Variants in ZNF148 observed in about 807,000 individuals in gnomAD.
The protein encoded by ZNF148 is Beta-Enolase Repressor Factor-1.
In ZNF148, 7 loss-of-function variants were observed where a neutral mutation model predicts 67.7. The observed-to-expected ratio is 0.10, with a 90% CI of 0.06 to 0.19. ZNF148 has a LOEUF of 0.19. ZNF148 is among the 10% of genes least tolerant of loss of function. ZNF148 has a pLI of 1.00. For synonymous variants in ZNF148, 333 were observed against 330.7 expected, an observed-to-expected ratio of 1.01 and a Z score of -0.08; for missense variants, 583 against 947.1, an observed-to-expected ratio of 0.62 and a Z score of 5.05.
chr3:125,230,541 A>G lies in ZNF148; in HGVS notation c.*1800T>C, dbSNP rs1259965844. 6.6e-6 allele frequency: 1 copy of G among 152,560 alleles called. No individual in the cohort carries two copies. The highest frequency in any genetic ancestry group is 2.4e-5 in the African/African-American group (1 of 41,442). 9.5% of individuals were successfully genotyped at this position (152,560 alleles called of 1,614,324 possible). A position where few individuals can be genotyped will look rare whatever the true frequency, so the allele number is the denominator to read the frequency against. On this transcript the variant is annotated 3_prime_UTR_variant, in exon 9 of 9. Coordinates refer to ENST00000360647, the MANE Select transcript of ZNF148 (RefSeq NM_021964.3). Reference sequence around the variant, plus strand: ...ATATAATTTATATTCCTTATCATAAAAACACCAATATATTCAAAATAAATG... The same window carrying G: ...ATATAATTTATATTCCTTATCATAAGAACACCAATATATTCAAAATAAATG...
Position 125,369,532 on chromosome 3 carries a change from G to A in ZNF148, c.-234+5570C>T, listed in dbSNP as rs997092728. On this transcript the variant is annotated intron_variant, in intron 1 of 8. Coordinates refer to ENST00000360647, the MANE Select transcript of ZNF148 (RefSeq NM_021964.3). ...ATAAATAGGTAAATTCTATAGAATT[G>A]TACTCAGAAGTTAATTCAGAAAAGG... Among the ~76,000 whole-genome samples, 53 of 150,098 alleles carry A rather than the reference G, an allele frequency of 3.5e-4. 1 individual carries two copies. The highest frequency in any genetic ancestry group is 1.2e-3 in the African/African-American group (50 of 40,728).
chr3:125,300,553 G>A (rs764022121), intron 4 of ZNF148, among the ~76,000 whole-genome samples: 105 of 152,252 alleles, frequency 6.9e-4, no homozygotes, highest in Non-Finnish European at 1.2e-3. Flanking sequence ...TCATAAACAC[G>A]AAAATGCGTA....
In ZNF148 at chr3:125,228,503, C is replaced by G. The variant is rs1406078668; in HGVS notation, c.*3838G>C. ...AAATGTTTTTAGAACTTTCCTGATG[C>G]TACTTGTAAAGTTAGCACTGCTATG... is the stretch of plus-strand genomic sequence containing the variant. On this transcript the variant is annotated 3_prime_UTR_variant, in exon 9 of 9. Transcript: ENST00000360647. The G allele has an allele frequency of 6.6e-6, 1 of 152,590 alleles. No homozygotes were observed. The highest frequency in any genetic ancestry group is 1.5e-5 in the Non-Finnish European group (1 of 68,024). The allele number at this position is 152,590 out of a possible 1,614,324, so 9.5% of individuals were successfully genotyped here.
intron 7 of ZNF148, among the ~76,000 whole-genome samples, chr3:125,237,937 G>A (rs1936167332): frequency 6.6e-6 from 1 of 152,116 alleles, no homozygotes; most frequent in African/African-American, 2.4e-5. Context: ...TTAAGGACAA[G>A]ACATACATAT....
intron 4 of ZNF148, 122 bp from the exon 5 acceptor site, chr3:125,288,350 G>A (rs944124674): frequency 1.4e-5 from 14 of 1,002,650 alleles, no homozygotes; most frequent in Non-Finnish European, 1.7e-5. Context: ...GATGATCTAT[G>A]TGTGTGTGTC....
At chr3:125,248,160 T>C (rs537154367) in intron 7 of ZNF148, among the ~76,000 whole-genome samples, 1 of 152,320 alleles carries the variant, frequency 6.6e-6, no homozygotes, top group South Asian at 2.1e-4. Context: ...ATTAGTAAAA[T>C]GGCTGGATAT....
At chr3:125,346,969 A>C (rs1322671667) in intron 1 of ZNF148, among the ~76,000 whole-genome samples, 1 of 152,194 alleles carries the variant, frequency 6.6e-6, no homozygotes, top group Non-Finnish European at 1.5e-5. Context: ...ACCCTATGGA[A>C]TCCACTAAAG....
At chr3:125,330,699 A>G (rs1348059589) in intron 2 of ZNF148, among the ~76,000 whole-genome samples, 3 of 151,970 alleles carry the variant, frequency 2.0e-5, no homozygotes, top group African/African-American at 7.3e-5. Flanking sequence ...CAACAAACAG[A>G]AGAATTTTTA....
Position 125,288,199 on chromosome 3 carries a change from A to G in ZNF148, c.363T>C (p.Thr121=). 6.2e-7 allele frequency: 1 copy of G among 1,613,614 alleles called. No individual in the cohort carries two copies. Among genetic ancestry groups the G allele is most frequent in the East Asian group, 2.2e-5 (1 of 44,854 alleles). The change falls in exon 5 of 9, where the codon ACT becomes ACC. Residue 121 remains threonine (T), a synonymous_variant. Coordinates refer to ENST00000360647, the MANE Select transcript of ZNF148 (RefSeq NM_021964.3). ...PISVKQEITF[T]DVSEQLMRDK... Reference sequence around the variant, plus strand: ...CTCTCATCAGTTGCTCAGATACATCAGTAAAAGTAATTTCCTGCTTTACGC... The same window carrying G: ...CTCTCATCAGTTGCTCAGATACATCGGTAAAAGTAATTTCCTGCTTTACGC...
In ZNF148 at chr3:125,233,868, A is replaced by G. The variant is rs753389753; in HGVS notation, c.858T>C (p.Asn286=). The G allele has an allele frequency of 2.7e-5, 43 of 1,612,794 alleles. No homozygotes were observed. Among genetic ancestry groups the G allele is most frequent in the Non-Finnish European group, 3.1e-5 (37 of 1,179,716 alleles). The change falls in exon 9 of 9, where the codon AAT becomes AAC. Residue 286 remains asparagine (N), a synonymous_variant. Coordinates refer to ENST00000360647, the MANE Select transcript of ZNF148 (RefSeq NM_021964.3). The surrounding 1 kb of genome is among the most constrained non-coding windows in gnomAD (Gnocchi z 5.1). ...MCHENHDKKL[N]RCAIKGGLLT... ...GAAGGCCACCTTTGATGGCACATCT[A>G]TTTAGTTTTTTGTCATGATTTTCAT...
At chr3:125,290,632 A>G (rs1351778293) in intron 4 of ZNF148, among the ~76,000 whole-genome samples, 1 of 152,172 alleles carries the variant, frequency 6.6e-6, no homozygotes, top group Admixed American at 6.6e-5. Flanking sequence ...CTGTCAGGCT[A>G]AAATACTATA....
At chr3:125,329,349 ACATATATAAAATTTT>A (rs1941178452) in intron 2 of ZNF148, among the ~76,000 whole-genome samples, 1 of 15,960 alleles carries the variant, frequency 6.3e-5, no homozygotes, top group Non-Finnish European at 1.4e-4. Flanking sequence ...ATAAAATTTT[ACATATATAAAATTTT>A]TTTTTTTTTT....
intron 4 of ZNF148, among the ~76,000 whole-genome samples, chr3:125,312,422 TG>T (rs1000721310): frequency 1.3e-4 from 20 of 152,194 alleles, no homozygotes; most frequent in Non-Finnish European, 1.5e-5. Flanking sequence ...TGCCAACACC[TG>T]GACTACAGTG....
intron 1 of ZNF148, among the ~76,000 whole-genome samples, chr3:125,351,333 C>CA (rs1942142795): frequency 7.1e-6 from 1 of 140,214 alleles, no homozygotes; most frequent in Admixed American, 7.6e-5. Flanking sequence ...AATCTGTTAC[C>CA]GTGCCACCGC....
intron 1 of ZNF148, among the ~76,000 whole-genome samples, chr3:125,367,155 G>T (rs1224283896): frequency 1.3e-5 from 2 of 152,140 alleles, no homozygotes; most frequent in African/African-American, 4.8e-5. Flanking sequence ...CTGAAACCTT[G>T]TTATAAATCA....
intron 1 of ZNF148, among the ~76,000 whole-genome samples, chr3:125,345,963 T>C (rs1941926304): frequency 6.6e-6 from 1 of 152,166 alleles, no homozygotes; most frequent in Admixed American, 6.5e-5. Context: ...TTGGGGAGAA[T>C]ATTCTTCAAC....
chr3:125,368,510 G>C (rs1283964768), intron 1 of ZNF148, among the ~76,000 whole-genome samples: 1 of 152,294 alleles, frequency 6.6e-6, no homozygotes, highest in Admixed American at 6.5e-5. Context: ...TGATTAACTG[G>C]ATTTAAGGCA....
intron 1 of ZNF148, among the ~76,000 whole-genome samples, chr3:125,345,793 C>T (rs1333234664): frequency 6.6e-6 from 1 of 151,996 alleles, no homozygotes; most frequent in Non-Finnish European, 1.5e-5. Flanking sequence ...ACCCCATAGC[C>T]ATTAAATAAA....
intron 2 of ZNF148, 95 bp from the exon 3 acceptor site, chr3:125,323,539 A>C: frequency 2.0e-6 from 1 of 508,444 alleles, no homozygotes; most frequent in African/African-American, 2.0e-5. Flanking sequence ...TACTGAAGTG[A>C]AAATTCTTTC....
Sources: gnomAD v4.1 joint callset for allele counts (sites outside exome capture counted in the v4.1 genomes callset) on GRCh38, gnomAD v4.1.1 for gene constraint, Gnocchi (gnomAD v3.1) non-coding constraint, MANE v1.5 for transcripts, NCBI Gene and HGNC (gene_info 2026-07-23, HGNC 2026-07-21) for gene names.